The following DIS3L2 variants were observed in gnomAD, a reference collection of about 807,000 sequenced individuals.
DIS3L2 encodes DIS3-like exonuclease 2.
A neutral mutation model predicts 97.5 loss-of-function variants in DIS3L2; 34 were observed. The ratio of observed to expected loss-of-function variants is 0.35; its 90% confidence interval spans 0.27 to 0.46. The LOEUF (loss-of-function observed/expected upper bound fraction) is 0.46. DIS3L2 is among the 20% of genes least tolerant of loss of function. The pLI is 1.00. For synonymous variants in DIS3L2, 435 were observed against 445.2 expected, an observed-to-expected ratio of 0.98 and a Z score of 0.29; for missense variants, 1,038 against 1,146.0, an observed-to-expected ratio of 0.91 and a Z score of 1.36.
intron 9 of DIS3L2, among the ~76,000 whole-genome samples, chr2:232,170,051 T>G (rs899848075): frequency 6.6e-6 from 1 of 152,128 alleles, no homozygotes; most frequent in Admixed American, 6.6e-5. Context: ...AGTCCCTGCT[T>G]GCATGGCCTA....
intron 8 of DIS3L2, among the ~76,000 whole-genome samples, chr2:232,163,155 A>G (rs537602531): frequency 4.6e-5 from 7 of 152,354 alleles, no homozygotes; most frequent in Admixed American, 3.3e-4. Flanking sequence ...CATAATATCA[A>G]TTTTGACTTC....
intron 12 of DIS3L2, among the ~76,000 whole-genome samples, chr2:232,254,973 T>G (rs1693520038): frequency 6.6e-6 from 1 of 152,212 alleles, no homozygotes; most frequent in Non-Finnish European, 1.5e-5. Flanking sequence ...AGCGACCACA[T>G]GAGAGGTAGA....
intron 5 of DIS3L2, among the ~76,000 whole-genome samples, chr2:232,085,010 A>G (rs1463767989): frequency 6.6e-6 from 1 of 152,200 alleles, no homozygotes; most frequent in Non-Finnish European, 1.5e-5. Flanking sequence ...GAAAGATTTA[A>G]TAACTTTTTC....
intron 6 of DIS3L2, among the ~76,000 whole-genome samples, chr2:232,104,931 C>G (rs1037435395): frequency 1.3e-5 from 2 of 152,124 alleles, no homozygotes; most frequent in Non-Finnish European, 2.9e-5. Context: ...CATCCTCCCA[C>G]CTAAGCCTCC....
At chr2:232,174,899 G>A (rs1009050896) in intron 9 of DIS3L2, among the ~76,000 whole-genome samples, 2 of 151,812 alleles carry the variant, frequency 1.3e-5, no homozygotes, top group Non-Finnish European at 2.9e-5. Flanking sequence ...GGAGTGCAGT[G>A]GTACAGTCAC....
chr2:232,329,785 T>TGCCCCGGGGGG, intron 14 of DIS3L2, 28 bp from the exon 15 acceptor site: 2 of 967,144 alleles, frequency 2.1e-6, no homozygotes, highest in Non-Finnish European at 2.9e-6. Flanking sequence ...ACCCCAGCGG[T>TGCCCCGGGGGG]CCCTCCCATC....
At chr2:232,048,393 G>GAGTAACTTTAT (rs1695302548) in intron 5 of DIS3L2, among the ~76,000 whole-genome samples, 1 of 151,906 alleles carries the variant, frequency 6.6e-6, no homozygotes, top group African/African-American at 2.4e-5. Context: ...AGTTACTTCT[G>GAGTAACTTTAT]GAGCATCAAA....
chr2:232,032,283 G>A (rs1559556998), intron 5 of DIS3L2, among the ~76,000 whole-genome samples: 1 of 151,962 alleles, frequency 6.6e-6, no homozygotes, highest in African/African-American at 2.4e-5. Context: ...TTTTTTATAT[G>A]TCTGTTGGCC....
At chr2:232,108,009 G>A (rs2106329539) in intron 6 of DIS3L2, among the ~76,000 whole-genome samples, 1 of 152,132 alleles carries the variant, frequency 6.6e-6, no homozygotes, top group South Asian at 2.1e-4. Flanking sequence ...TTGAAAAAGG[G>A]GACCCCTCCC....
At chr2:231,980,374 C>T (rs1210474666) in intron 1 of DIS3L2, among the ~76,000 whole-genome samples, 1 of 152,058 alleles carries the variant, frequency 6.6e-6, no homozygotes, top group Admixed American at 6.5e-5. Flanking sequence ...TGTTCAGATC[C>T]TTTCCCATTT....
intron 5 of DIS3L2, among the ~76,000 whole-genome samples, chr2:232,042,206 T>C (rs1695127526): frequency 1.3e-5 from 2 of 152,244 alleles, no homozygotes; most frequent in South Asian, 4.1e-4. Context: ...TTTTCAATGG[T>C]TGTTTCAAAC....
intron 12 of DIS3L2, among the ~76,000 whole-genome samples, chr2:232,259,658 G>A (rs1262141385): frequency 2.6e-5 from 4 of 151,992 alleles, no homozygotes; most frequent in Middle Eastern, 3.2e-3. Flanking sequence ...TCACTGTGTC[G>A]CCCAAGCTGG....
At chr2:232,069,365 G>C (rs1574850502) in intron 5 of DIS3L2, among the ~76,000 whole-genome samples, 2 of 152,202 alleles carry the variant, frequency 1.3e-5, no homozygotes, top group African/African-American at 4.8e-5. Context: ...CAAGCAGTTG[G>C]AAATTATACC....
rs1268617934 is a variant in DIS3L2, at chr2:232,242,297, A to G, written c.1317+3652A>G. Among the ~76,000 whole-genome samples the G allele has an allele frequency of 3.9e-5, 6 of 152,214 alleles. 1 individual carries two copies. Among genetic ancestry groups the G allele is most frequent in the Admixed American group, 3.9e-4 (6 of 15,286 alleles). The stretch of plus-strand genomic sequence containing the variant: ...CGGAGAAAAGGGGGAAAAGTCACCA[A>G]TTCTCAGACTGCAGATATGGGCTGC... On this transcript the variant is annotated intron_variant, in intron 11 of 20. Coordinates refer to ENST00000325385, the MANE Select transcript of DIS3L2 (RefSeq NM_152383.5).
intron 10 of DIS3L2, among the ~76,000 whole-genome samples, chr2:232,219,207 A>G (rs765582521): frequency 2.0e-5 from 3 of 152,234 alleles, no homozygotes; most frequent in Non-Finnish European, 2.9e-5. Context: ...TGTCTTGGAT[A>G]TAGCAATAAC....
intron 12 of DIS3L2, among the ~76,000 whole-genome samples, chr2:232,254,193 G>A (rs1248632320): frequency 2.0e-5 from 3 of 152,026 alleles, no homozygotes; most frequent in Non-Finnish European, 4.4e-5. Context: ...CCTGAATTGG[G>A]ATCAAAACAA....
At chr2:232,176,128 T>G (rs1348596229) in intron 9 of DIS3L2, among the ~76,000 whole-genome samples, 2 of 152,208 alleles carry the variant, frequency 1.3e-5, no homozygotes, top group African/African-American at 4.8e-5. Context: ...TGACCTCAAC[T>G]GATCCACCCA....
At chr2:231,976,506 A>G (rs1574779298) in intron 1 of DIS3L2, among the ~76,000 whole-genome samples, 1 of 151,666 alleles carries the variant, frequency 6.6e-6, no homozygotes, top group Non-Finnish European at 1.5e-5. Flanking sequence ...GTGCGTGCCT[A>G]TAGTCCCAGC....
intron 3 of DIS3L2, among the ~76,000 whole-genome samples, chr2:232,016,995 T>A: frequency 6.7e-6 from 1 of 149,054 alleles, no homozygotes. Flanking sequence ...TGTGGTCAAG[T>A]GCACACGTGC....
Sources: gnomAD v4.1 joint callset for allele counts (sites outside exome capture counted in the v4.1 genomes callset) on GRCh38, gnomAD v4.1.1 for gene constraint, MANE v1.5 for transcripts, NCBI Gene and HGNC (gene_info 2026-07-23, HGNC 2026-07-21) for gene names.